The following DGKB variants were observed in gnomAD, a reference collection of about 807,000 sequenced individuals.
DGKB encodes diacylglycerol kinase beta, also known as 90 kDa diacylglycerol kinase.
Under a neutral mutation model 114.3 loss-of-function variants are expected in DGKB, and 67 were observed. The ratio of observed to expected loss-of-function variants is 0.59; its 90% CI spans 0.48 to 0.72. DGKB has a LOEUF of 0.72. Among genes scored for constraint, DGKB ranks in the 30% least tolerant of loss-of-function variants. The pLI, the probability that DGKB is intolerant of heterozygous loss-of-function variation, is 0.00. For missense variants in DGKB, 907 were observed against 975.2 expected (o/e 0.93, Z 0.93); for synonymous variants, 398 against 323.1 (o/e 1.23, Z -2.49).
rs554970864 is a variant in DGKB at position 14,380,894 on chromosome 7, G to A, written c.1836-35503C>T. On this transcript the variant is annotated intron_variant, in intron 21 of 25. Coordinates refer to ENST00000402815, the MANE Select transcript of DGKB (RefSeq NM_001350709.2). Reference sequence around the variant, plus strand: ...TCCCTGAAATTTGTGATTATGTTTTGATACATGGCAAAAGGAACTATGCAG... The same window carrying A: ...TCCCTGAAATTTGTGATTATGTTTTAATACATGGCAAAAGGAACTATGCAG... 4.6e-5 allele frequency among the ~76,000 whole-genome samples: 7 copies of A among 152,334 alleles called. No homozygotes were observed. In the South Asian group the frequency reaches 8.3e-4, roughly 18 times the overall value.
intron 25 of DGKB, among the ~76,000 whole-genome samples, chr7:14,152,708 C>A (rs977287409): frequency 6.6e-5 from 10 of 152,058 alleles, no homozygotes; most frequent in Non-Finnish European, 1.0e-4. Flanking sequence ...TAAGGATGCA[C>A]ATATAGAAAC....
chr7:14,826,898 C>A (rs1029201851), intron 2 of DGKB, among the ~76,000 whole-genome samples: 10 of 152,112 alleles, frequency 6.6e-5, no homozygotes, highest in Non-Finnish European at 1.5e-4. Context: ...CATGTAAACA[C>A]TGTTTGTCTT....
At chr7:14,695,494 CTTTTTTT>C (rs1173622205) in intron 8 of DGKB, among the ~76,000 whole-genome samples, 11 of 75,166 alleles carry the variant, frequency 1.5e-4, no homozygotes, top group Admixed American at 2.0e-4. Flanking sequence ...CTCTCTCTCT[CTTTTTTT>C]TTTTTTTTTT....
chr7:14,504,913 T>C (rs1454959895), intron 20 of DGKB, among the ~76,000 whole-genome samples: 1 of 152,164 alleles, frequency 6.6e-6, no homozygotes, highest in African/African-American at 2.4e-5. Flanking sequence ...GGTAATTTTG[T>C]TAATTCGATA....
At chr7:14,160,071 C>G (rs575474938) in intron 25 of DGKB, among the ~76,000 whole-genome samples, 1 of 152,016 alleles carries the variant, frequency 6.6e-6, no homozygotes, top group Non-Finnish European at 1.5e-5. Flanking sequence ...GTTCACCTCA[C>G]AGATTTGTCA....
rs140623265 is a variant in DGKB, at chr7:14,665,060, G to A, written c.1134+7869C>T. Among the ~76,000 whole-genome samples the A allele has an allele frequency of 8.6e-5, 13 of 152,012 alleles. No individual in the cohort carries two copies. In the East Asian group the frequency reaches 2.5e-3, roughly 30 times the overall value. ...TTCATATAAAACAATGGTTACTTAT[G>A]TATCATACAACTTCAACTTTAAATA... On this transcript the variant is annotated intron_variant, in intron 13 of 25. Transcript: ENST00000402815.
At chr7:14,428,482 G>A (rs753946720) in intron 21 of DGKB, among the ~76,000 whole-genome samples, 8 of 152,114 alleles carry the variant, frequency 5.3e-5, no homozygotes, top group Admixed American at 1.3e-4. Context: ...ATAAAACAGT[G>A]TGATTTCCTT....
chr7:14,847,875 C>T (rs1182299650), intron 1 of DGKB, among the ~76,000 whole-genome samples: 1 of 152,084 alleles, frequency 6.6e-6, no homozygotes, highest in East Asian at 1.9e-4. Context: ...AAAAAAACTA[C>T]AAATATTATA....
intron 23 of DGKB, among the ~76,000 whole-genome samples, chr7:14,206,911 A>AT (rs1786920544): frequency 6.6e-6 from 1 of 151,940 alleles, no homozygotes; most frequent in East Asian, 1.9e-4. Flanking sequence ...GTAAAGCACA[A>AT]CTCATATCAG....
intron 23 of DGKB, among the ~76,000 whole-genome samples, chr7:14,311,613 A>G (rs1805407207): frequency 6.6e-6 from 1 of 151,990 alleles, no homozygotes; most frequent in African/African-American, 2.4e-5. Flanking sequence ...TTTTGTAGAG[A>G]CAGAGTTTTG....
At chr7:14,209,909 A>G (rs998688555) in intron 23 of DGKB, among the ~76,000 whole-genome samples, 1 of 149,834 alleles carries the variant, frequency 6.7e-6, no homozygotes, top group Non-Finnish European at 1.5e-5. Flanking sequence ...TTTTTTTTTA[A>G]TGTTGAGCAT....
chr7:14,493,416 G>T (rs1159321969), intron 20 of DGKB, among the ~76,000 whole-genome samples: 1 of 152,006 alleles, frequency 6.6e-6, no homozygotes, highest in Non-Finnish European at 1.5e-5. Context: ...TAATAAAATA[G>T]AACAATTATC....
intron 6 of DGKB, among the ~76,000 whole-genome samples, chr7:14,702,209 C>A (rs7785767): frequency 0.4 from 60,362 of 151,874 alleles, 14,344 homozygotes; most frequent in East Asian, 0.87. Flanking sequence ...TACCATAACA[C>A]ATATTAACTG....
chr7:14,502,059 T>C (rs544483336), intron 20 of DGKB, among the ~76,000 whole-genome samples: 3 of 152,084 alleles, frequency 2.0e-5, no homozygotes, highest in South Asian at 4.1e-4. Context: ...TTTTCCCTAC[T>C]TGTTCACACA....
intron 2 of DGKB, among the ~76,000 whole-genome samples, chr7:14,781,709 G>T (rs534033208): frequency 6.6e-6 from 1 of 152,134 alleles, no homozygotes; most frequent in Admixed American, 6.6e-5. Flanking sequence ...AAACTATGTA[G>T]TTATTTTTAC....
At chr7:14,164,564 A>G (rs1012887957) in intron 25 of DGKB, among the ~76,000 whole-genome samples, 6 of 152,216 alleles carry the variant, frequency 3.9e-5, no homozygotes, top group Admixed American at 3.9e-4. Context: ...ATGAGTTTTA[A>G]CATAATTTTC....
intron 20 of DGKB, among the ~76,000 whole-genome samples, chr7:14,488,720 C>T (rs548107659): frequency 3.3e-5 from 5 of 149,796 alleles, no homozygotes; most frequent in African/African-American, 4.9e-5. Context: ...CCCAGCTACT[C>T]GGGAGGCTGA....
At chr7:14,684,297 T>C (rs947116631) in intron 10 of DGKB, among the ~76,000 whole-genome samples, 1 of 152,012 alleles carries the variant, frequency 6.6e-6, no homozygotes, top group Non-Finnish European at 1.5e-5. Flanking sequence ...AAAAAACCTA[T>C]AAACCATGGA....
rs1214874256 is a variant in DGKB, at chr7:14,652,121, A to C, written c.1134+20808T>G. ...TGCCATCCCCATCAAGCTACCAATGACTTTCTTCACAGAATTGGAAAAAAC... is the reference window on the plus strand; with the variant it reads ...TGCCATCCCCATCAAGCTACCAATGCCTTTCTTCACAGAATTGGAAAAAAC... On this transcript the variant is annotated intron_variant, in intron 13 of 25. Coordinates refer to ENST00000402815, the MANE Select transcript of DGKB (RefSeq NM_001350709.2). Among the ~76,000 whole-genome samples the C allele has an allele frequency of 1.2e-4, 16 of 129,050 alleles. No homozygotes were observed. In the South Asian group the frequency reaches 2.7e-3, roughly 21 times the overall value. 84.7% of individuals were successfully genotyped at this position (129,050 alleles called of 152,430 possible).
Sources: gnomAD v4.1 joint callset for allele counts (sites outside exome capture counted in the v4.1 genomes callset) on GRCh38, gnomAD v4.1.1 for gene constraint, MANE v1.5 for transcripts, NCBI Gene and HGNC (gene_info 2026-07-23, HGNC 2026-07-21) for gene names.